The following GALNT2 variants were observed in gnomAD, a reference collection of about 807,000 sequenced individuals.
GALNT2 encodes the protein UDP-GalNAc:polypeptide N-acetylgalactosaminyltransferase 2.
Under a neutral mutation model 81.4 loss-of-function variants are expected in GALNT2, and 31 were observed. The observed-to-expected ratio is 0.38, with a 90% CI of 0.29 to 0.51. The LOEUF (loss-of-function observed/expected upper bound fraction) is 0.51. Ranked by LOEUF, GALNT2 falls within the 20% of genes least tolerant of loss-of-function variation. The pLI is 0.87. For missense variants in GALNT2, 629 were observed against 765.7 expected, an observed-to-expected ratio of 0.82 and a Z score of 2.11; for synonymous variants, 303 against 287.4, an observed-to-expected ratio of 1.05 and a Z score of -0.55.
At chr1:230,063,003 TATTTA>T (rs901394692), upstream of GALNT2, among the ~76,000 whole-genome samples, 13 of 152,262 alleles carry the variant, frequency 8.5e-5, no homozygotes, top group African/African-American at 3.1e-4. Flanking sequence ...GTTATTTATT[TATTTA>T]TTTATTTTAA....
chr1:230,158,081 C>G (rs549241607), intron 1 of GALNT2, among the ~76,000 whole-genome samples: 2 of 152,154 alleles, frequency 1.3e-5, no homozygotes, highest in Non-Finnish European at 2.9e-5. Flanking sequence ...CAGAACTGAG[C>G]ACAGATCAGG....
At chr1:230,211,613 T>G (rs1362026100) in intron 3 of GALNT2, among the ~76,000 whole-genome samples, 1 of 152,000 alleles carries the variant, frequency 6.6e-6, no homozygotes, top group African/African-American at 2.4e-5. Context: ...AGACCCCATC[T>G]TAAAAAACAA....
intron 11 of GALNT2, 122 bp downstream of exon 11, chr1:230,255,466 A>G: frequency 7.5e-7 from 1 of 1,332,752 alleles, no homozygotes; most frequent in South Asian, 1.3e-5. Context: ...ATACAATGGA[A>G]TACCACTTAG....
Position 230,243,437 on chromosome 1 carries a change from CGG to C in GALNT2, c.729+14_729+15del. The C allele has an allele frequency of 1.2e-6, 2 of 1,609,042 alleles. No homozygotes were observed. Among genetic ancestry groups the C allele is most frequent in the Non-Finnish European group, 1.7e-6 (2 of 1,179,368 alleles). ...GGAAAGGGTGGCGGAGGTGAGATGA[CGG>C]GGGCTGGGAGGGGTGTCAGGTCGTG... On this transcript the variant is annotated intron_variant, in intron 7 of 15. Coordinates refer to ENST00000366672, the MANE Select transcript of GALNT2 (RefSeq NM_004481.5). The surrounding 1 kb of genome is among the most constrained non-coding windows in gnomAD (Gnocchi z 4.2).
chr1:230,264,718 G>A (rs1199551639), intron 13 of GALNT2: 1 of 153,418 alleles, frequency 6.5e-6, no homozygotes, highest in Non-Finnish European at 1.5e-5. Context: ...AGTCTTGCCT[G>A]AAAGCCAGCA....
chr1:230,134,234 G>T (rs1288873434), intron 1 of GALNT2, among the ~76,000 whole-genome samples: 2 of 151,078 alleles, frequency 1.3e-5, no homozygotes, highest in Admixed American at 1.3e-4. Flanking sequence ...TCAGCCTCCC[G>T]AATAGCTGGG....
chr1:230,149,900 C>G (rs908651037), intron 1 of GALNT2, among the ~76,000 whole-genome samples: 1 of 152,168 alleles, frequency 6.6e-6, no homozygotes, highest in Admixed American at 6.5e-5. Context: ...TTCAGCAGGG[C>G]TTCTCCGGTG....
rs201497295 is a variant in GALNT2, at chr1:230,107,642, G to GTGTGTGTGTGTGTGGT, written c.126+40238_126+40239insTGTGTGTGTGTGGTTG. ...TGTGTGTGTGTGTGTGTGTGTGTGT[G>GTGTGTGTGTGTGTGGT]TGGTTGGTTGGTTGGTTTAAGCCAT... On this transcript the variant is annotated intron_variant, in intron 1 of 15. Coordinates refer to ENST00000366672, the MANE Select transcript of GALNT2 (RefSeq NM_004481.5). Among the ~76,000 whole-genome samples, 12 of 151,684 alleles carry GTGTGTGTGTGTGTGGT rather than the reference G, an allele frequency of 7.9e-5. 1 individual carries two copies. The South Asian group carries it at 8.4e-4, about 11-fold the overall frequency.
intron 3 of GALNT2, among the ~76,000 whole-genome samples, chr1:230,213,470 C>T (rs1005312853): frequency 2.0e-5 from 3 of 152,284 alleles, no homozygotes; most frequent in Middle Eastern, 6.8e-3. Flanking sequence ...CATGTTTTTG[C>T]ATGGTATACA....
intron 1 of GALNT2, among the ~76,000 whole-genome samples, chr1:230,173,777 C>T (rs370657609): frequency 3.3e-5 from 5 of 152,252 alleles, no homozygotes; most frequent in African/African-American, 9.6e-5. Context: ...CATTTTTGAG[C>T]GGCACTGATG....
intron 1 of GALNT2, among the ~76,000 whole-genome samples, chr1:230,169,259 G>C (rs1310665621): frequency 2.0e-5 from 3 of 152,204 alleles, no homozygotes; most frequent in Admixed American, 6.5e-5. Context: ...TGTTCTTAAT[G>C]ATGGGACTTA....
At chr1:230,093,122 C>T (rs944663557) in intron 1 of GALNT2, among the ~76,000 whole-genome samples, 6 of 152,214 alleles carry the variant, frequency 3.9e-5, no homozygotes, top group Non-Finnish European at 8.8e-5. Context: ...CCAAGGGGAG[C>T]TCCTTCAGTT....
intron 15 of GALNT2, among the ~76,000 whole-genome samples, chr1:230,276,051 C>T (rs1430544314): frequency 7.0e-6 from 1 of 143,030 alleles, no homozygotes; most frequent in African/African-American, 2.8e-5. Flanking sequence ...ATACATGCCA[C>T]ATATATATAC....
chr1:230,144,092 T>A (rs1362362398), intron 1 of GALNT2, among the ~76,000 whole-genome samples: 1 of 152,184 alleles, frequency 6.6e-6, no homozygotes, highest in Non-Finnish European at 1.5e-5. Flanking sequence ...GGGAGGTGGC[T>A]TGATGCAGAT....
rs759288865 is a variant in GALNT2 at position 230,162,246 on chromosome 1, C to T, written c.127-15972C>T. Among the ~76,000 whole-genome samples, 42 of 152,268 alleles carry T rather than the reference C, an allele frequency of 2.8e-4. No homozygotes were observed. The Middle Eastern group carries it at 0.02, about 74-fold the overall frequency. ...TTAATTCATCTGGTCCAACACATGC[C>T]GGGTTCTTCAGGGTGTTAGGATGAA... On this transcript the variant is annotated intron_variant, in intron 1 of 15. Coordinates refer to ENST00000366672, the MANE Select transcript of GALNT2 (RefSeq NM_004481.5).
At chr1:230,144,737 A>G (rs572849285) in intron 1 of GALNT2, among the ~76,000 whole-genome samples, 6 of 152,140 alleles carry the variant, frequency 3.9e-5, no homozygotes, top group Non-Finnish European at 8.8e-5. Flanking sequence ...ACTTCAAAGT[A>G]AGTACCACTA....
rs187516471 is a variant in GALNT2, at chr1:230,089,404, C to T, written c.126+21998C>T. 8.2e-4 allele frequency among the ~76,000 whole-genome samples: 125 copies of T among 152,188 alleles called. 2 individuals are homozygous for T. The highest frequency in any genetic ancestry group is 3.4e-3 in the Middle Eastern group (1 of 294). On this transcript the variant is annotated intron_variant, in intron 1 of 15. Transcript: ENST00000366672. Reference sequence around the variant, plus strand: ...TTGACCTCAAGTGATGTGCCCACCTCGGCCTCCCAAAGTGCTGGGATTACA... The same window carrying T: ...TTGACCTCAAGTGATGTGCCCACCTTGGCCTCCCAAAGTGCTGGGATTACA...
chr1:230,130,319 A>C (rs1661328572), intron 1 of GALNT2, among the ~76,000 whole-genome samples: 1 of 152,174 alleles, frequency 6.6e-6, no homozygotes, highest in Non-Finnish European at 1.5e-5. Context: ...CTTAGCTCAT[A>C]ATAGCCACCG....
intron 1 of GALNT2, among the ~76,000 whole-genome samples, chr1:230,152,843 T>A (rs183490443): frequency 6.6e-6 from 1 of 152,332 alleles, no homozygotes; most frequent in Non-Finnish European, 1.5e-5. Flanking sequence ...TAACGTGATG[T>A]TCATTTGCTC....
Sources: allele counts gnomAD v4.1 joint callset (sites outside exome capture counted in the v4.1 genomes callset), GRCh38; gene constraint gnomAD v4.1.1; non-coding constraint Gnocchi (gnomAD v3.1); transcripts MANE v1.5; gene names NCBI Gene and HGNC (gene_info 2026-07-23, HGNC 2026-07-21).